PAX7: variants seen among roughly 807,000 people sequenced by gnomAD.
PAX7 encodes paired box protein Pax-7.
A neutral mutation model predicts 50.7 loss-of-function variants in PAX7; 18 were observed. The observed-to-expected ratio is 0.36, with a 90% CI of 0.25 to 0.53. The LOEUF (loss-of-function observed/expected upper bound fraction) is 0.53, where lower values mean the gene tolerates loss of function less well. Among genes scored for constraint, PAX7 ranks in the 20% least tolerant of loss-of-function variants. The pLI is 0.93. For synonymous variants in PAX7, 310 were observed against 290.4 expected (o/e 1.07, Z -0.69); for missense variants, 644 against 702.9 (o/e 0.92, Z 0.95).
rs1279076270 is a variant in PAX7, at chr1:18,634,617, C to T, written c.321+79C>T. The T allele has an allele frequency of 8.6e-7, 1 of 1,164,524 alleles. No homozygotes were observed. Among genetic ancestry groups the T allele is most frequent in the Non-Finnish European group, 1.3e-6 (1 of 794,596 alleles). The allele number at this position is 1,164,524 out of a possible 1,614,324, so 72.1% of individuals were successfully genotyped here. On this transcript the variant is annotated intron_variant, in intron 2 of 8. Coordinates refer to ENST00000420770, the MANE Select transcript of PAX7 (RefSeq NM_001135254.2). The surrounding 1 kb of genome is among the most constrained non-coding windows in gnomAD (Gnocchi z 4.0). ...CTGGTTGTGGCCCCTCTTACTACCT[C>T]GTGGCACCAGGCTGTAGGAAAGTAC...
At chr1:18,633,312 G>A (rs2088088116) in intron 1 of PAX7, among the ~76,000 whole-genome samples, 1 of 152,168 alleles carries the variant, frequency 6.6e-6, no homozygotes, top group Non-Finnish European at 1.5e-5. Context: ...CCCAAATTGG[G>A]GGGATCGAGG....
intron 4 of PAX7, among the ~76,000 whole-genome samples, chr1:18,670,519 C>G (rs1159466775): frequency 6.6e-6 from 1 of 152,202 alleles, no homozygotes; most frequent in Non-Finnish European, 1.5e-5. Context: ...CTAGCCCAGG[C>G]CTTGTTCTCC....
rs142723466 is a variant in PAX7 at position 18,735,908 on chromosome 1, G to A, written c.1402+30G>A. ...GTGCCTGGTGCCCTGGGCGTCCCCC[G>A]TCCCCATTCCTTCTCCCACCCCCAG... On this transcript the variant is annotated intron_variant, in intron 8 of 8. Coordinates refer to ENST00000420770, the MANE Select transcript of PAX7 (RefSeq NM_001135254.2). This position sits in a 1 kb window ranked among gnomAD's most constrained non-coding sequence, Gnocchi z 4.0. 25 of 1,613,618 alleles carry A rather than the reference G, an allele frequency of 1.5e-5. No individual in the cohort carries two copies. Among genetic ancestry groups the A allele is most frequent in the East Asian group, 6.7e-5 (3 of 44,868 alleles).
In PAX7 at chr1:18,704,999, G is replaced by C. The variant is rs975014836; in HGVS notation, c.1155+1703G>C. ...AGGTCTGGCACAGAGTGAGTGCCCAGTACCTGTAGGCAGCTGCCTGCGGAG... is the reference window on the plus strand; with the variant it reads ...AGGTCTGGCACAGAGTGAGTGCCCACTACCTGTAGGCAGCTGCCTGCGGAG... On this transcript the variant is annotated intron_variant, in intron 7 of 8. Coordinates refer to ENST00000420770, the MANE Select transcript of PAX7 (RefSeq NM_001135254.2). Among the ~76,000 whole-genome samples, 4 of 152,218 alleles carry C rather than the reference G, an allele frequency of 2.6e-5. No homozygotes were observed. The South Asian group carries it at 8.3e-4, about 32-fold the overall frequency.
At chr1:18,670,201 T>C (rs1030034900) in intron 4 of PAX7, among the ~76,000 whole-genome samples, 1 of 151,622 alleles carries the variant, frequency 6.6e-6, no homozygotes, top group Non-Finnish European at 1.5e-5. Context: ...TGCCTATAAA[T>C]AGTACCTACC....
rs2088029121 is a variant in PAX7, at chr1:18,630,951, C to T, written c.-653C>T. 9.6e-6 allele frequency: 2 copies of T among 209,224 alleles called. No individual in the cohort carries two copies. Among genetic ancestry groups the T allele is most frequent in the Non-Finnish European group, 1.9e-5 (2 of 102,670 alleles). 13.0% of individuals were successfully genotyped at this position (209,224 alleles called of 1,614,324 possible). A position where few individuals can be genotyped will look rare whatever the true frequency, so the allele number is the denominator to read the frequency against. ...CTGTCTCCTCCGTCCAGCCCTGAAA[C>T]CCGAGGAGGCTCCTTCTTCCGTCTG... is the stretch of plus-strand genomic sequence containing the variant. On this transcript the variant is annotated 5_prime_UTR_variant, in exon 1 of 9. Transcript: ENST00000420770.
intron 7 of PAX7, among the ~76,000 whole-genome samples, chr1:18,713,366 T>C (rs1221305329): frequency 3.9e-5 from 6 of 152,158 alleles, no homozygotes; most frequent in Admixed American, 1.3e-4. Flanking sequence ...GACACTTGTA[T>C]TATAACTAGG....
rs149587414 is a variant in PAX7, at chr1:18,679,510, TC to T, written c.587-12243del. Among the ~76,000 whole-genome samples, 428 of 152,306 alleles carry T rather than the reference TC, an allele frequency of 2.8e-3. 12 individuals are homozygous for T. The South Asian group carries it at 0.047, about 17-fold the overall frequency. On this transcript the variant is annotated intron_variant, in intron 4 of 8. Transcript: ENST00000420770. ...GAGCCCCAGCTGCTGCTCTTTCCCC[TC>T]TGCTGATTTTGAGACCTCTCCTTAG...
chr1:18,633,654 C>T (rs1351437960), intron 1 of PAX7, among the ~76,000 whole-genome samples: 2 of 152,202 alleles, frequency 1.3e-5, no homozygotes, highest in African/African-American at 4.8e-5. Flanking sequence ...AACCAGGTGC[C>T]CTTGGAGGCA....
intron 4 of PAX7, among the ~76,000 whole-genome samples, chr1:18,661,379 C>T (rs2088597516): frequency 6.6e-6 from 1 of 152,174 alleles, no homozygotes; most frequent in Admixed American, 6.5e-5. Context: ...TCTCTCCTCC[C>T]ACCCCAAACT....
intron 4 of PAX7, among the ~76,000 whole-genome samples, chr1:18,679,949 G>C (rs1010643320): frequency 6.6e-6 from 1 of 152,192 alleles, no homozygotes; most frequent in Non-Finnish European, 1.5e-5. Context: ...AATAACAATA[G>C]CAGCAATAAT....
Position 18,658,103 on chromosome 1 carries a change from A to T in PAX7, c.586+21732A>T, listed in dbSNP as rs149725988. Among the ~76,000 whole-genome samples, 279 of 152,330 alleles carry T rather than the reference A, an allele frequency of 1.8e-3. 2 individuals carry two copies. The Middle Eastern group carries it at 0.024, about 13-fold the overall frequency. On this transcript the variant is annotated intron_variant, in intron 4 of 8. Transcript: ENST00000420770. Reference sequence around the variant, plus strand: ...CTTTTTCCAGCCCAAAGCTCCGTCCATCACTTCTCCTGCATTAATGTACAT... The same window carrying T: ...CTTTTTCCAGCCCAAAGCTCCGTCCTTCACTTCTCCTGCATTAATGTACAT...
chr1:18,648,201 G>A (rs1429467821), intron 4 of PAX7, among the ~76,000 whole-genome samples: 1 of 151,932 alleles, frequency 6.6e-6, no homozygotes, highest in Non-Finnish European at 1.5e-5. Context: ...CTGGCCCCCA[G>A]TCACCTCCCC....
chr1:18,724,521 CCTAA>C lies in PAX7; in HGVS notation c.1156-11105_1156-11102del, dbSNP rs2089533346. On this transcript the variant is annotated intron_variant, in intron 7 of 8. Coordinates refer to ENST00000420770, the MANE Select transcript of PAX7 (RefSeq NM_001135254.2). Reference sequence around the variant, plus strand: ...GCACTGCAATTGACAGGTGCACCCACCTAACTAACAGACTGTCCTATGAAGCCAG... The same window carrying C: ...GCACTGCAATTGACAGGTGCACCCACCTAACAGACTGTCCTATGAAGCCAG... 2.0e-5 allele frequency among the ~76,000 whole-genome samples: 3 copies of C among 152,198 alleles called. No homozygotes were observed. In the South Asian group the frequency reaches 6.2e-4, roughly 32 times the overall value.
chr1:18,646,963 A>C, intron 4 of PAX7, among the ~76,000 whole-genome samples: 1 of 101,966 alleles, frequency 9.8e-6, no homozygotes, highest in East Asian at 3.4e-4. Flanking sequence ...GCACGCTGGG[A>C]GCCCGGGGGT....
chr1:18,661,971 A>G (rs1157741639), intron 4 of PAX7, among the ~76,000 whole-genome samples: 1 of 152,186 alleles, frequency 6.6e-6, no homozygotes, highest in Non-Finnish European at 1.5e-5. Flanking sequence ...TCCAGGGAGC[A>G]GGTGGGAGTC....
Position 18,703,306 on chromosome 1 carries a change from C to T in PAX7, c.1155+10C>T. Reference sequence around the variant, plus strand: ...CGGCCTGTCTCCTCAGGTAGGTGGTCTCAGCCCAGCACCCAGGATCCCACC... The same window carrying T: ...CGGCCTGTCTCCTCAGGTAGGTGGTTTCAGCCCAGCACCCAGGATCCCACC... On this transcript the variant is annotated intron_variant, in intron 7 of 8. Coordinates refer to ENST00000420770, the MANE Select transcript of PAX7 (RefSeq NM_001135254.2). 2 of 1,612,350 alleles carry T rather than the reference C, an allele frequency of 1.2e-6. No individual in the cohort carries two copies. Among genetic ancestry groups the T allele is most frequent in the Non-Finnish European group, 1.7e-6 (2 of 1,179,288 alleles).
chr1:18,713,809 G>T (rs1404054806), intron 7 of PAX7, among the ~76,000 whole-genome samples: 2 of 152,210 alleles, frequency 1.3e-5, no homozygotes, highest in Non-Finnish European at 2.9e-5. Context: ...GGGGTAGGAG[G>T]TTGGTGCCGA....
rs974185205 is a variant in PAX7, at chr1:18,700,532, C to A, written c.787-121C>A. ...GTCCTGTGCTGCACAATGCCGGGGC[C>A]TGCAGGAGGATGCTGGCTGGATCAG... On this transcript the variant is annotated intron_variant, in intron 5 of 8. Transcript: ENST00000420770. This position sits in a 1 kb window ranked among gnomAD's most constrained non-coding sequence, Gnocchi z 4.8. 2.9e-5 allele frequency: 26 copies of A among 883,854 alleles called. No individual in the cohort carries two copies. The highest frequency in any genetic ancestry group is 3.6e-5 in the Non-Finnish European group (22 of 603,046). 54.8% of individuals were successfully genotyped at this position (883,854 alleles called of 1,614,324 possible). A position where few individuals can be genotyped will look rare whatever the true frequency, so the allele number is the denominator to read the frequency against.
Sources: allele counts gnomAD v4.1 joint callset (sites outside exome capture counted in the v4.1 genomes callset), GRCh38; gene constraint gnomAD v4.1.1; non-coding constraint Gnocchi (gnomAD v3.1); transcripts MANE v1.5; gene names NCBI Gene and HGNC (gene_info 2026-07-23, HGNC 2026-07-21).